GRM7: variants seen among roughly 807,000 people sequenced by gnomAD.
GRM7 encodes the protein glutamate metabotropic receptor 7.
GRM7 carries 35 observed loss-of-function variants against 84.5 expected under a neutral mutation model. The ratio of observed to expected loss-of-function variants is 0.41; its 90% CI spans 0.32 to 0.55. GRM7 has a LOEUF of 0.55. Among genes scored for constraint, GRM7 ranks in the 20% least tolerant of loss-of-function variants. GRM7 has a pLI of 0.19. For synonymous variants in GRM7, 487 were observed against 455.1 expected, an observed-to-expected ratio of 1.07 and a Z score of -0.89; for missense variants, 1,003 against 1,194.6, an observed-to-expected ratio of 0.84 and a Z score of 2.36.
At chr3:6,915,236 T>G (rs1360979078) in intron 1 of GRM7, among the ~76,000 whole-genome samples, 2 of 152,222 alleles carry the variant, frequency 1.3e-5, no homozygotes, top group African/African-American at 2.4e-5. Flanking sequence ...AGTGCAATTC[T>G]TTTGAAAGTT....
chr3:6,864,109 C>G (rs1213550413), intron 1 of GRM7, among the ~76,000 whole-genome samples: 5 of 152,086 alleles, frequency 3.3e-5, no homozygotes, highest in African/African-American at 1.2e-4. Context: ...GGGAGTAAAA[C>G]CATTCAGAGA....
intron 1 of GRM7, among the ~76,000 whole-genome samples, chr3:6,878,009 A>G (rs1390331595): frequency 6.6e-6 from 1 of 152,052 alleles, no homozygotes; most frequent in African/African-American, 2.4e-5. Flanking sequence ...TTTGCTGAAG[A>G]AAATATTTCT....
chr3:7,685,622 C>G (rs966170789), intron 9 of GRM7, among the ~76,000 whole-genome samples: 1 of 152,022 alleles, frequency 6.6e-6, no homozygotes, highest in African/African-American at 2.4e-5. Flanking sequence ...CAATTTGTAC[C>G]TGAAATACAA....
At chr3:7,300,261 A>G (rs777205477) in intron 3 of GRM7, among the ~76,000 whole-genome samples, 2 of 152,120 alleles carry the variant, frequency 1.3e-5, no homozygotes, top group African/African-American at 2.4e-5. Flanking sequence ...GGATTTTTCA[A>G]TGTCTTTACC....
At chr3:7,250,816 A>G (rs1575081251) in intron 2 of GRM7, among the ~76,000 whole-genome samples, 2 of 152,284 alleles carry the variant, frequency 1.3e-5, no homozygotes, top group East Asian at 3.9e-4. Flanking sequence ...AAGCCACCGC[A>G]TCAAGCCAAT....
chr3:7,275,864 GC>G (rs1278521499), intron 2 of GRM7, among the ~76,000 whole-genome samples: 15 of 151,964 alleles, frequency 9.9e-5, no homozygotes, highest in Admixed American at 3.9e-4. Flanking sequence ...ATATAGCAAG[GC>G]CCCCCTGAGT....
chr3:7,543,274 AG>A (rs1403565986), intron 7 of GRM7, among the ~76,000 whole-genome samples: 1 of 152,256 alleles, frequency 6.6e-6, no homozygotes, highest in Non-Finnish European at 1.5e-5. Flanking sequence ...TCTGTCAAAC[AG>A]GGTTCATCAC....
intron 9 of GRM7, among the ~76,000 whole-genome samples, chr3:7,731,682 T>G (rs1362592107): frequency 6.6e-6 from 1 of 152,192 alleles, no homozygotes; most frequent in African/African-American, 2.4e-5. Context: ...TGTCAGCCAT[T>G]ATTCCAGAGA....
rs548569888 is a variant in GRM7, at chr3:7,596,886, G to A, written c.2451+17529G>A. Among the ~76,000 whole-genome samples, 7 of 152,156 alleles carry A rather than the reference G, an allele frequency of 4.6e-5. No homozygotes were observed. In the South Asian group the frequency reaches 1.5e-3, roughly 32 times the overall value. On this transcript the variant is annotated intron_variant, in intron 8 of 9. Transcript: ENST00000357716. ...GAGAGGGTTATAGGATCAAGGGAGG[G>A]GGCCTTTAAATGTTTGTCTGGTGAA...
At chr3:7,676,303 T>G (rs551680619) in intron 8 of GRM7, among the ~76,000 whole-genome samples, 1 of 152,100 alleles carries the variant, frequency 6.6e-6, no homozygotes, top group Non-Finnish European at 1.5e-5. Flanking sequence ...CTGCTAGGCT[T>G]AGTGGGAGCA....
At chr3:6,896,016 T>C (rs950254890) in intron 1 of GRM7, among the ~76,000 whole-genome samples, 1 of 152,172 alleles carries the variant, frequency 6.6e-6, no homozygotes, top group African/African-American at 2.4e-5. Flanking sequence ...AATGCACCCA[T>C]AAAGCATATT....
chr3:7,573,234 T>C (rs1694797550), intron 7 of GRM7, among the ~76,000 whole-genome samples: 1 of 150,304 alleles, frequency 6.7e-6, no homozygotes, highest in African/African-American at 2.4e-5. Flanking sequence ...ACAAATGTAT[T>C]TTAATGAACA....
intron 5 of GRM7, among the ~76,000 whole-genome samples, chr3:7,433,975 CCTCT>C (rs1430104065): frequency 3.3e-5 from 5 of 151,396 alleles, no homozygotes; most frequent in African/African-American, 1.2e-4. Context: ...ACATCATATA[CCTCT>C]CTGTTTATTT....
intron 9 of GRM7, among the ~76,000 whole-genome samples, chr3:7,705,152 C>A (rs1300302561): frequency 6.6e-6 from 1 of 152,074 alleles, no homozygotes; most frequent in Non-Finnish European, 1.5e-5. Flanking sequence ...TTCACCTTGG[C>A]CAACTCTCCT....
intron 1 of GRM7, among the ~76,000 whole-genome samples, chr3:6,913,215 A>T (rs960752894): frequency 6.6e-6 from 1 of 152,156 alleles, no homozygotes; most frequent in Admixed American, 6.6e-5. Context: ...TCGTGTATTT[A>T]TTCTGGAAGA....
At chr3:7,694,560 T>C (rs1453265708) in intron 9 of GRM7, 1 of 165,120 alleles carries the variant, frequency 6.1e-6, no homozygotes, top group Non-Finnish European at 1.3e-5. Context: ...TATTTAGTAC[T>C]GATCATTTTT....
intron 4 of GRM7, among the ~76,000 whole-genome samples, chr3:7,375,781 G>T (rs1694326128): frequency 6.6e-6 from 1 of 152,054 alleles, no homozygotes; most frequent in Non-Finnish European, 1.5e-5. Flanking sequence ...ACTCACTCAA[G>T]CAAAATAACC....
chr3:7,309,838 G>A (rs558713612), intron 4 of GRM7, among the ~76,000 whole-genome samples: 45 of 152,206 alleles, frequency 3.0e-4, no homozygotes, highest in African/African-American at 9.9e-4. Context: ...CTGTGGTCCC[G>A]CTGCCTGCCC....
chr3:6,887,215 TA>T, intron 1 of GRM7, among the ~76,000 whole-genome samples: 1 of 152,106 alleles, frequency 6.6e-6, no homozygotes, highest in Non-Finnish European at 1.5e-5. Flanking sequence ...AAGTAAAGTT[TA>T]AAGTCTTTTT....
Sources: allele counts gnomAD v4.1 joint callset (sites outside exome capture counted in the v4.1 genomes callset), GRCh38; gene constraint gnomAD v4.1.1; transcripts MANE v1.5; gene names NCBI Gene and HGNC (gene_info 2026-07-23, HGNC 2026-07-21).